CMTM4: variants seen among roughly 807,000 people sequenced by gnomAD.
CMTM4 encodes CKLF like MARVEL transmembrane domain containing 4.
CMTM4 carries 8 observed loss-of-function variants against 19.0 expected under a neutral mutation model. The ratio of observed to expected loss-of-function variants is 0.42; its 90% CI spans 0.25 to 0.76. The LOEUF (loss-of-function observed/expected upper bound fraction) is 0.76, where lower values mean the gene tolerates loss of function less well. Among genes scored for constraint, CMTM4 ranks in the 30% least tolerant of loss-of-function variants. The pLI is 0.27. For synonymous variants in CMTM4, 106 were observed against 121.1 expected (o/e 0.88, Z 0.82); for missense variants, 228 against 290.2 (o/e 0.79, Z 1.56).
chr16:66,669,212 G>A (rs2016657896), intron 1 of CMTM4, among the ~76,000 whole-genome samples: 2 of 152,136 alleles, frequency 1.3e-5, no homozygotes, highest in Admixed American at 6.6e-5. Flanking sequence ...TACACTGAAT[G>A]AAAGACAGTC....
chr16:66,687,787 A>G (rs1313137958), intron 1 of CMTM4, among the ~76,000 whole-genome samples: 1 of 145,932 alleles, frequency 6.9e-6, no homozygotes, highest in East Asian at 2.0e-4. Flanking sequence ...TCCTGGGTTC[A>G]CGCTATTCTC....
chr16:66,682,733 T>C (rs2144906728), intron 1 of CMTM4, among the ~76,000 whole-genome samples: 1 of 152,096 alleles, frequency 6.6e-6, no homozygotes, highest in East Asian at 1.9e-4. Flanking sequence ...ATCAGAAAGC[T>C]TTAAAAAAAA....
At chr16:66,644,688 G>C (rs983848483) in intron 1 of CMTM4, among the ~76,000 whole-genome samples, 1 of 152,134 alleles carries the variant, frequency 6.6e-6, no homozygotes, top group African/African-American at 2.4e-5. Flanking sequence ...CCCCTGTCGT[G>C]ACCCTTGGCA....
At chr16:66,649,729 C>T (rs529019059) in intron 1 of CMTM4, among the ~76,000 whole-genome samples, 10 of 152,252 alleles carry the variant, frequency 6.6e-5, no homozygotes, top group South Asian at 6.2e-4. Flanking sequence ...GTCCAGAGCC[C>T]GACTCCCTCC....
chr16:66,687,817 A>G (rs1178803881), intron 1 of CMTM4, among the ~76,000 whole-genome samples: 1 of 150,348 alleles, frequency 6.7e-6, no homozygotes, highest in Non-Finnish European at 1.5e-5. Flanking sequence ...CCTCCTGAGT[A>G]GCTGGGACTA....
At chr16:66,649,459 C>CATCTATCTATCTATCTATCT (rs71378403) in intron 1 of CMTM4, among the ~76,000 whole-genome samples, 22 of 149,498 alleles carry the variant, frequency 1.5e-4, no homozygotes, top group Middle Eastern at 3.4e-3. Context: ...TCTATCTATC[C>CATCTATCTATCTATCTATCT]ATCTATCTAT....
intron 2 of CMTM4, among the ~76,000 whole-genome samples, chr16:66,630,540 G>A (rs1237767225): frequency 6.6e-6 from 1 of 151,904 alleles, no homozygotes; most frequent in Admixed American, 6.6e-5. Context: ...GGGTTTTGCT[G>A]TGTTGGCCGG....
chr16:66,692,454 G>T (rs2017153041), intron 1 of CMTM4, among the ~76,000 whole-genome samples: 2 of 152,162 alleles, frequency 1.3e-5, no homozygotes, highest in Non-Finnish European at 2.9e-5. Context: ...GATCACCTGG[G>T]GAATCTTGTT....
intron 1 of CMTM4, among the ~76,000 whole-genome samples, chr16:66,683,090 C>A (rs1292276814): frequency 7.0e-6 from 1 of 143,256 alleles, no homozygotes; most frequent in East Asian, 2.0e-4. Context: ...CAATATTTTC[C>A]ACCTCAAATA....
intron 2 of CMTM4, 64 bp from the exon 3 acceptor site, chr16:66,623,566 T>C: frequency 1.6e-6 from 2 of 1,227,942 alleles, no homozygotes; most frequent in South Asian, 1.4e-5. Context: ...TAAAAGCAAC[T>C]GGAGAACTTT....
intron 1 of CMTM4, among the ~76,000 whole-genome samples, chr16:66,663,532 C>CTTTTTTTTTTTTTTTTTTTT: frequency 1.8e-5 from 1 of 55,256 alleles, no homozygotes; most frequent in Non-Finnish European, 3.6e-5. Flanking sequence ...TTTTCATTTG[C>CTTTTTTTTTTTTTTTTTTTT]TTTTTTTTTT....
chr16:66,613,594 A>T (rs545570622), downstream of CMTM4: 125 of 155,278 alleles, frequency 8.1e-4, no homozygotes, highest in African/African-American at 2.9e-3. Context: ...TTTATGCAAA[A>T]GCAGCTTCTT....
intron 1 of CMTM4, among the ~76,000 whole-genome samples, chr16:66,694,095 G>C (rs1042975415): frequency 2.7e-4 from 41 of 151,620 alleles, no homozygotes; most frequent in African/African-American, 9.7e-4. Context: ...AGAGAAAAGA[G>C]AAAAGAAAAG....
At chr16:66,665,788 G>A (rs2016581391) in intron 1 of CMTM4, among the ~76,000 whole-genome samples, 1 of 150,962 alleles carries the variant, frequency 6.6e-6, no homozygotes, top group East Asian at 2.0e-4. Flanking sequence ...AGAAAAAAAG[G>A]CCAGGCATGG....
chr16:66,642,927 T>C (rs2144823285), intron 1 of CMTM4, among the ~76,000 whole-genome samples: 1 of 152,320 alleles, frequency 6.6e-6, no homozygotes, highest in African/African-American at 2.4e-5. Context: ...TAGCAATTTT[T>C]GGTTTTGTTT....
intron 1 of CMTM4, among the ~76,000 whole-genome samples, chr16:66,639,280 T>A (rs8051710): frequency 6.6e-6 from 1 of 151,990 alleles, no homozygotes; most frequent in African/African-American, 2.4e-5. Context: ...CACACTGTAC[T>A]GATGAGTTAC....
At chr16:66,642,478 C>T (rs2016112605) in intron 1 of CMTM4, among the ~76,000 whole-genome samples, 1 of 152,080 alleles carries the variant, frequency 6.6e-6, no homozygotes, top group Admixed American at 6.6e-5. Context: ...CTTTGGGAGG[C>T]CAAGGGAGTT....
chr16:66,611,711 G>C (rs1475062175), downstream of CMTM4, among the ~76,000 whole-genome samples: 1 of 152,134 alleles, frequency 6.6e-6, no homozygotes, highest in Admixed American at 6.5e-5. Context: ...TTTCCTTCTG[G>C]GGTGGAGGTT....
chr16:66,665,916 C>A (rs1013952328), intron 1 of CMTM4, among the ~76,000 whole-genome samples: 1 of 150,118 alleles, frequency 6.7e-6, no homozygotes, highest in African/African-American at 2.5e-5. Context: ...TAAAAACACA[C>A]AAAAAATTAG....
Sources: gnomAD v4.1 joint callset for allele counts (sites outside exome capture counted in the v4.1 genomes callset) on GRCh38, gnomAD v4.1.1 for gene constraint, MANE v1.5 for transcripts, NCBI Gene and HGNC (gene_info 2026-07-23, HGNC 2026-07-21) for gene names.